GTPBP1: variants seen among roughly 807,000 people sequenced by gnomAD.
GTPBP1 encodes the protein GTP-binding protein 1.
GTPBP1 carries 23 observed loss-of-function variants against 62.0 expected under a neutral mutation model. The ratio of observed to expected loss-of-function variants is 0.37; its 90% CI spans 0.27 to 0.53. The LOEUF (loss-of-function observed/expected upper bound fraction) is 0.53, where lower values mean the gene tolerates loss of function less well. Among genes scored for constraint, GTPBP1 ranks in the 20% least tolerant of loss-of-function variants. GTPBP1 has a pLI of 0.89. For missense variants in GTPBP1, 640 were observed against 917.3 expected, an observed-to-expected ratio of 0.70 and a Z score of 3.90; for synonymous variants, 344 against 364.4, an observed-to-expected ratio of 0.94 and a Z score of 0.64.
intron 5 of GTPBP1, chr22:38,723,517 C>T (rs566865063): frequency 3.0e-5 from 20 of 665,964 alleles, no homozygotes; most frequent in African/African-American, 2.2e-4. Context: ...TCAGTGCACG[C>T]GGGCGAAACT....
At chr22:38,736,234 C>T (rs867376059), downstream of GTPBP1, 23 of 1,596,478 alleles carry the variant, frequency 1.4e-5, no homozygotes, top group Non-Finnish European at 1.9e-5. Flanking sequence ...CACCCACTCC[C>T]AGATGGCTGG....
At position 38,731,009 on chromosome 22, in the gene GTPBP1, ATT is replaced by A. The variant is rs1491246674; in HGVS notation, c.*306_*307del. ...TTATTATATGTCTCTGTCTCTCTCT[ATT>A]GTGTGTGTGTGTGTGTGTGTGTGTG... is the stretch of plus-strand genomic sequence containing the variant. On this transcript the variant is annotated 3_prime_UTR_variant, in exon 12 of 12. Transcript: ENST00000216044. 4 of 216,254 alleles carry A rather than the reference ATT, an allele frequency of 1.8e-5. No homozygotes were observed. The highest frequency in any genetic ancestry group is 3.1e-5 in the Non-Finnish European group (4 of 129,206). 13.4% of individuals were successfully genotyped at this position (216,254 alleles called of 1,614,324 possible). A position where few individuals can be genotyped will look rare whatever the true frequency, so the allele number is the denominator to read the frequency against.
Position 38,731,032 on chromosome 22 carries a change from G to GTGTGTGTT in GTPBP1, c.*335_*336insTTGTGTGT, listed in dbSNP as rs1319238695. On this transcript the variant is annotated 3_prime_UTR_variant, in exon 12 of 12. Transcript: ENST00000216044. ...CTATTGTGTGTGTGTGTGTGTGTGT[G>GTGTGTGTT]TGTGTGTGTGTGTGTGTGGTGCAGG... is the stretch of plus-strand genomic sequence containing the variant. 1 of 245,004 alleles carries GTGTGTGTT rather than the reference G, an allele frequency of 4.1e-6. No individual in the cohort carries two copies. Among genetic ancestry groups the GTGTGTGTT allele is most frequent in the African/African-American group, 2.3e-5 (1 of 42,958 alleles). 15.2% of individuals were successfully genotyped at this position (245,004 alleles called of 1,614,324 possible). A position where few individuals can be genotyped will look rare whatever the true frequency, so the allele number is the denominator to read the frequency against.
In GTPBP1 at chr22:38,709,141, G is replaced by A. The variant is rs144365450; in HGVS notation, c.304+185G>A. Reference sequence around the variant, plus strand: ...CTACTAAAAATACAAAAAATTAGCCGGGCGCTAATTAGTGGTGGCAGGCGC... The same window carrying A: ...CTACTAAAAATACAAAAAATTAGCCAGGCGCTAATTAGTGGTGGCAGGCGC... On this transcript the variant is annotated intron_variant, in intron 2 of 11. Coordinates refer to ENST00000216044, the MANE Select transcript of GTPBP1 (RefSeq NM_004286.5). 7.0e-3 allele frequency among the ~76,000 whole-genome samples: 1,062 copies of A among 152,090 alleles called. 3 individuals carry two copies. The highest frequency in any genetic ancestry group is 0.011 in the Non-Finnish European group (733 of 67,990).
At chr22:38,740,877 C>T, downstream of GTPBP1, 2 of 1,071,362 alleles carry the variant, frequency 1.9e-6, no homozygotes, top group East Asian at 2.6e-5. This position sits in a 1 kb window ranked among gnomAD's most constrained non-coding sequence, Gnocchi z 4.8. Flanking sequence ...GGGTTTCAAC[C>T]CCTCCCCCTA....
downstream of GTPBP1, chr22:38,738,827 C>T (rs1484419392): frequency 6.3e-7 from 1 of 1,595,276 alleles, no homozygotes; most frequent in Admixed American, 1.7e-5. This position sits in a 1 kb window ranked among gnomAD's most constrained non-coding sequence, Gnocchi z 6.6. Context: ...GGGACCAGCC[C>T]TCAGTGTGCT....
At position 38,731,083 on chromosome 22, in the gene GTPBP1, CCT is replaced by C. The variant is rs573155169; in HGVS notation, c.*384_*385del. The C allele has an allele frequency of 1.8e-3, 305 of 166,164 alleles. 2 individuals are homozygous for C. The highest frequency in any genetic ancestry group is 7.1e-3 in the African/African-American group (290 of 40,676). 10.3% of individuals were successfully genotyped at this position (166,164 alleles called of 1,614,324 possible). A position where few individuals can be genotyped will look rare whatever the true frequency, so the allele number is the denominator to read the frequency against. On this transcript the variant is annotated 3_prime_UTR_variant, in exon 12 of 12. Transcript: ENST00000216044. The stretch of plus-strand genomic sequence containing the variant: ...AGTGCCACCCCCAGGGCCCTGTCAA[CCT>C]CTCTTTTCTCCTCCATGGCTGTCTG...
At position 38,733,170 on chromosome 22, in the gene GTPBP1, GC is replaced by G. The variant is rs1406448994; in HGVS notation, c.*2469del. On this transcript the variant is annotated 3_prime_UTR_variant, in exon 12 of 12. Transcript: ENST00000216044. ...ACTCCTGCTCTTTGTCCCGACTCTG[GC>G]CCTGCTTACAGGGGCCACTACCTGC... The G allele has an allele frequency of 1.3e-5, 2 of 152,272 alleles. No individual in the cohort carries two copies. The highest frequency in any genetic ancestry group is 2.9e-5 in the Non-Finnish European group (2 of 68,070). 9.4% of individuals were successfully genotyped at this position (152,272 alleles called of 1,614,324 possible). A position where few individuals can be genotyped will look rare whatever the true frequency, so the allele number is the denominator to read the frequency against.
downstream of GTPBP1, chr22:38,742,414 C>T: frequency 2.5e-6 from 4 of 1,613,412 alleles, no homozygotes; most frequent in South Asian, 4.4e-5. Flanking sequence ...CCACCACCAC[C>T]TCCCTGGCCA....
downstream of GTPBP1, chr22:38,740,399 C>A: frequency 6.4e-7 from 1 of 1,570,034 alleles, no homozygotes; most frequent in Non-Finnish European, 8.6e-7. The surrounding 1 kb of genome is among the most constrained non-coding windows in gnomAD (Gnocchi z 4.8). Context: ...TCAGCTCCTT[C>A]ACAGAGCTCT....
downstream of GTPBP1, chr22:38,734,317 T>G: frequency 2.1e-6 from 1 of 466,800 alleles, no homozygotes; most frequent in Non-Finnish European, 4.4e-6. Flanking sequence ...TCCTTGTCCC[T>G]TCCCAGTCAC....
chr22:38,708,854 G>T lies in GTPBP1; in HGVS notation c.202G>T (p.Val68Leu). The T allele has an allele frequency of 1.9e-6, 3 of 1,599,382 alleles. No individual in the cohort carries two copies. Among genetic ancestry groups the T allele is most frequent in the Non-Finnish European group, 2.6e-6 (3 of 1,166,488 alleles). The change falls in exon 2 of 12, where the codon GTG becomes TTG. Residue 68 changes from valine (V) to leucine (L), a missense_variant. Transcript: ENST00000216044. ...ELDLTSKLVL[V>L]SPTSEQYDSL... ...TTGGTTTCTTTTCTAGCTGGTTCTA[G>T]TGAGCCCTACATCAGAGCAGTATGA...
rs75165699 is a variant in GTPBP1 at position 38,730,371 on chromosome 22, C to T, written c.1918-241C>T. 0.016 allele frequency among the ~76,000 whole-genome samples: 2,413 copies of T among 152,324 alleles called. 63 individuals carry two copies. Among genetic ancestry groups the T allele is most frequent in the African/African-American group, 0.056 (2,326 of 41,560 alleles). On this transcript the variant is annotated intron_variant, in intron 11 of 11. Transcript: ENST00000216044. The surrounding 1 kb of genome is among the most constrained non-coding windows in gnomAD (Gnocchi z 5.6). ...TCTCTGAACGGCCGCTTCTCACACC[C>T]TCATCATGTGTGTCCTACCCACCCT...
intron 5 of GTPBP1, chr22:38,722,634 A>C: frequency 1.4e-6 from 2 of 1,400,750 alleles, no homozygotes; most frequent in Non-Finnish European, 1.9e-6. Flanking sequence ...GAGTACAAGC[A>C]TAATTGGTTC....
At chr22:38,723,464 G>A in intron 5 of GTPBP1, 1 of 1,020,876 alleles carries the variant, frequency 9.8e-7, no homozygotes, top group Admixed American at 2.0e-5. Flanking sequence ...CACATGTCGG[G>A]CAGCCGATGC....
intron 6 of GTPBP1, chr22:38,725,740 G>T: frequency 2.2e-6 from 1 of 460,728 alleles, no homozygotes; most frequent in Non-Finnish European, 3.9e-6. Flanking sequence ...TTCCAAACTA[G>T]GGCAGTGGTG....
downstream of GTPBP1, chr22:38,735,767 G>T (rs1287501184): frequency 1.9e-5 from 3 of 160,430 alleles, no homozygotes; most frequent in African/African-American, 7.2e-5. Context: ...GAGCTGGGCA[G>T]CTCTCCATCA....
At chr22:38,737,854 G>T, downstream of GTPBP1, 1 of 553,854 alleles carries the variant, frequency 1.8e-6, no homozygotes. This position sits in a 1 kb window ranked among gnomAD's most constrained non-coding sequence, Gnocchi z 4.1. Flanking sequence ...GCCCTGGCAT[G>T]TGCTGGCGGC....
chr22:38,740,082 T>C, downstream of GTPBP1: 1 of 1,217,598 alleles, frequency 8.2e-7, no homozygotes, highest in South Asian at 1.5e-5. This position sits in a 1 kb window ranked among gnomAD's most constrained non-coding sequence, Gnocchi z 4.8. Flanking sequence ...GAACACTCCA[T>C]GGGCACTAAC....
Sources: gnomAD v4.1 joint callset for allele counts (sites outside exome capture counted in the v4.1 genomes callset) on GRCh38, gnomAD v4.1.1 for gene constraint, Gnocchi (gnomAD v3.1) non-coding constraint, MANE v1.5 for transcripts, NCBI Gene and HGNC (gene_info 2026-07-23, HGNC 2026-07-21) for gene names.